AFG2A: variants seen among roughly 807,000 people sequenced by gnomAD.
AFG2A encodes ATPase family gene 2 protein homolog A.
the AFG2A span, among the ~76,000 whole-genome samples, chr4:123,108,870 T>G: frequency 2.6e-5 from 4 of 152,324 alleles, no homozygotes; most frequent in South Asian, 8.3e-4. Flanking sequence ...TAACGCATTT[T>G]TTTTTAAATA....
the AFG2A span, among the ~76,000 whole-genome samples, chr4:123,078,447 G>A: frequency 1.3e-5 from 2 of 152,108 alleles, no homozygotes; most frequent in Non-Finnish European, 2.9e-5. Context: ...TTTTGAATGT[G>A]CACATATTAT....
chr4:122,984,199 AT>A, the AFG2A span, among the ~76,000 whole-genome samples: 3 of 150,364 alleles, frequency 2.0e-5, no homozygotes, highest in Non-Finnish European at 3.0e-5. Flanking sequence ...ATTCCTAAGT[AT>A]TTTTTTTTGC....
chr4:123,148,242 A>G, the AFG2A span, among the ~76,000 whole-genome samples: 1 of 152,218 alleles, frequency 6.6e-6, no homozygotes, highest in Non-Finnish European at 1.5e-5. Flanking sequence ...TTCTTTTTTA[A>G]GTATACATAC....
At chr4:123,053,167 A>G in the AFG2A span, among the ~76,000 whole-genome samples, 3 of 152,296 alleles carry the variant, frequency 2.0e-5, no homozygotes, top group East Asian at 5.8e-4. Context: ...CCAACCAGAA[A>G]CAATATTTTG....
the AFG2A span, among the ~76,000 whole-genome samples, chr4:123,007,573 TG>T: frequency 0.032 from 125 of 3,916 alleles, no homozygotes; most frequent in African/African-American, 0.05. Context: ...TGTATATGTG[TG>T]TGTGTGTGTG....
the AFG2A span, among the ~76,000 whole-genome samples, chr4:122,992,422 G>A: frequency 6.6e-6 from 1 of 152,180 alleles, no homozygotes; most frequent in Non-Finnish European, 1.5e-5. Flanking sequence ...ATTTTCCTGA[G>A]AAGTCAACAT....
At chr4:123,034,261 T>C in the AFG2A span, among the ~76,000 whole-genome samples, 7 of 152,032 alleles carry the variant, frequency 4.6e-5, no homozygotes, top group Non-Finnish European at 1.0e-4. Context: ...GTATTCACAG[T>C]GGTCCTGGAA....
the AFG2A span, among the ~76,000 whole-genome samples, chr4:123,102,908 T>C: frequency 2.6e-5 from 4 of 151,718 alleles, no homozygotes; most frequent in Non-Finnish European, 4.4e-5. Context: ...ACAATCTAGC[T>C]TGAAATTTTA....
At chr4:122,933,562 T>G in the AFG2A span, 1 of 1,305,416 alleles carries the variant, frequency 7.7e-7, no homozygotes, top group Non-Finnish European at 1.1e-6. Context: ...AAATAAAGTG[T>G]CTTTGAGGGC....
the AFG2A span, among the ~76,000 whole-genome samples, chr4:122,926,537 G>C: frequency 6.6e-6 from 1 of 152,206 alleles, no homozygotes; most frequent in Middle Eastern, 3.2e-3. Context: ...AAAGAAATGT[G>C]TTGGGGAGTT....
the AFG2A span, among the ~76,000 whole-genome samples, chr4:123,239,408 A>G: frequency 6.6e-6 from 1 of 152,210 alleles, no homozygotes; most frequent in Non-Finnish European, 1.5e-5. Context: ...AAATGAAGGA[A>G]AAAATGTTAA....
the AFG2A span, among the ~76,000 whole-genome samples, chr4:123,106,407 C>T: frequency 0.027 from 4,130 of 152,140 alleles, 79 homozygotes; most frequent in Non-Finnish European, 0.036. Context: ...GGAACTGAAC[C>T]TGCAGTATCT....
At chr4:123,128,186 G>C in the AFG2A span, among the ~76,000 whole-genome samples, 1 of 152,246 alleles carries the variant, frequency 6.6e-6, no homozygotes, top group African/African-American at 2.4e-5. Context: ...AACCCTTTAA[G>C]AATATAATTT....
chr4:122,938,277 TG>T, the AFG2A span: 4 of 1,509,944 alleles, frequency 2.6e-6, no homozygotes, highest in African/African-American at 4.2e-5. Context: ...ATTGATTCTG[TG>T]TAGGGTTAAT....
the AFG2A span, among the ~76,000 whole-genome samples, chr4:123,105,067 G>A: frequency 6.6e-6 from 1 of 152,194 alleles, no homozygotes; most frequent in Non-Finnish European, 1.5e-5. Flanking sequence ...CTAGAGAAGA[G>A]AAATTAATGC....
chr4:122,987,496 T>G, the AFG2A span, among the ~76,000 whole-genome samples: 1 of 152,146 alleles, frequency 6.6e-6, no homozygotes, highest in Non-Finnish European at 1.5e-5. Flanking sequence ...TGTTCCTTTC[T>G]TCTTCTCTTG....
At chr4:123,281,495 A>G in the AFG2A span, among the ~76,000 whole-genome samples, 1 of 152,204 alleles carries the variant, frequency 6.6e-6, no homozygotes, top group South Asian at 2.1e-4. Context: ...GAGTTTAGGC[A>G]TAGACAAATG....
the AFG2A span, among the ~76,000 whole-genome samples, chr4:123,148,208 T>C: frequency 6.6e-6 from 1 of 152,208 alleles, no homozygotes; most frequent in Non-Finnish European, 1.5e-5. Context: ...CATGGGTACA[T>C]GTGAGAAGGC....
At chr4:122,938,325 T>C in the AFG2A span, 2 of 1,329,896 alleles carry the variant, frequency 1.5e-6, no homozygotes, top group Non-Finnish European at 1.9e-6. Flanking sequence ...AACTATTGAA[T>C]GTGTCAGAGT....
Sources: gnomAD v4.1 joint callset for allele counts (sites outside exome capture counted in the v4.1 genomes callset) on GRCh38, gnomAD v4.1.1 for gene constraint, MANE v1.5 for transcripts, NCBI Gene and HGNC (gene_info 2026-07-23, HGNC 2026-07-21) for gene names.